The following CNOT10 variants were observed in gnomAD, a reference collection of about 807,000 sequenced individuals.
CNOT10 encodes the protein CCR4-NOT transcription complex subunit 10.
CNOT10 carries 30 observed loss-of-function variants against 94.6 expected under a neutral mutation model. That is an observed-to-expected ratio of 0.32 (90% CI 0.24 to 0.43). CNOT10 has a LOEUF of 0.43. Ranked by LOEUF, CNOT10 falls within the 20% of genes least tolerant of loss-of-function variation. The pLI is 1.00. For missense variants in CNOT10, 759 were observed against 877.2 expected (o/e 0.87, Z 1.70); for synonymous variants, 289 against 301.6 (o/e 0.96, Z 0.43).
At chr3:32,747,727 A>G (rs1293066977) in intron 13 of CNOT10, among the ~76,000 whole-genome samples, 1 of 152,108 alleles carries the variant, frequency 6.6e-6, no homozygotes, top group South Asian at 2.1e-4. Context: ...AGACGGGCAG[A>G]TCACGAGGTC....
intron 13 of CNOT10, among the ~76,000 whole-genome samples, chr3:32,744,561 T>C (rs367912752): frequency 6.6e-6 from 1 of 152,284 alleles, no homozygotes; most frequent in East Asian, 1.9e-4. Context: ...ATTAAAGAAG[T>C]TGTGAGATTG....
chr3:32,708,781 T>A lies in CNOT10; in HGVS notation c.391T>A (p.Ser131Thr), dbSNP rs759154289. The A allele has an allele frequency of 6.2e-6, 10 of 1,612,934 alleles. No individual in the cohort carries two copies. The Admixed American group carries it at 1.7e-4, about 27-fold the overall frequency. ...YHLRQYTEAI[S>T]VGEKLYQFIE... ...TCTGCGGCAGTATACAGAAGCCATATCAGTTGGTGAAAAACTTTATCAGTT... is the reference window on the plus strand; with the variant it reads ...TCTGCGGCAGTATACAGAAGCCATAACAGTTGGTGAAAAACTTTATCAGTT... The change falls in exon 4 of 19, where the codon TCA (serine) becomes ACA (threonine). Residue 131 changes from serine (S) to threonine (T), a missense_variant. Ser to Thr is a moderately conservative substitution (Grantham distance 58). Transcript: ENST00000328834.
intron 8 of CNOT10, among the ~76,000 whole-genome samples, chr3:32,720,460 G>A (rs1437701884): frequency 1.3e-5 from 2 of 151,398 alleles, no homozygotes; most frequent in Non-Finnish European, 2.9e-5. Flanking sequence ...TACTTTTCCA[G>A]GTTGGATCGC....
At chr3:32,735,844 T>C (rs1031904297) in intron 12 of CNOT10, among the ~76,000 whole-genome samples, 2 of 152,186 alleles carry the variant, frequency 1.3e-5, no homozygotes, top group Non-Finnish European at 2.9e-5. Flanking sequence ...GGTTTTCTAG[T>C]ATAAATTCAA....
chr3:32,692,392 A>G (rs181665563), intron 1 of CNOT10, among the ~76,000 whole-genome samples: 2 of 152,318 alleles, frequency 1.3e-5, no homozygotes, highest in African/African-American at 4.8e-5. Context: ...CACTGCACCC[A>G]GCTTTATCTC....
intron 10 of CNOT10, among the ~76,000 whole-genome samples, chr3:32,732,318 A>T (rs182103992): frequency 2.4e-4 from 37 of 152,138 alleles, no homozygotes; most frequent in African/African-American, 8.9e-4. Context: ...GGAACTCAGG[A>T]GGTGAAGGTT....
rs759441342 is a variant in CNOT10, at chr3:32,759,525, C to T, written c.1663C>T (p.His555Tyr). ...GGGTGATAACCTCATGGCTTTGAAT[C>T]ATGCAGATAAACTTCTTCAGCAGCC... is the stretch of plus-strand genomic sequence containing the variant. ...ALGDNLMALN[H>Y]ADKLLQQPKL... Residue 555 changes from histidine to tyrosine, a missense_variant, in exon 14 of 19, where the codon CAT (histidine) becomes TAT (tyrosine). Physicochemically the swap from His to Tyr is moderately conservative, Grantham distance 83. Transcript: ENST00000328834. 6.2e-7 allele frequency: 1 copy of T among 1,614,066 alleles called. No homozygotes were observed. The highest frequency in any genetic ancestry group is 1.1e-5 in the South Asian group (1 of 91,072).
At chr3:32,733,330 A>G (rs954946885) in intron 10 of CNOT10, 93 bp from the exon 11 acceptor site, 4 of 1,018,100 alleles carry the variant, frequency 3.9e-6, no homozygotes, top group Non-Finnish European at 5.6e-6. Context: ...GAACTTTCTT[A>G]AATTTAGAGT....
At chr3:32,717,310 A>T (rs984528168) in intron 7 of CNOT10, 73 bp downstream of exon 7, 1 of 904,452 alleles carries the variant, frequency 1.1e-6, no homozygotes, top group Non-Finnish European at 1.7e-6. Flanking sequence ...GTCAGGTTTA[A>T]ATAATTTATC....
intron 7 of CNOT10, 70 bp downstream of exon 7, chr3:32,717,307 T>A: frequency 2.2e-6 from 2 of 906,724 alleles, no homozygotes; most frequent in South Asian, 3.1e-5. Context: ...ATTGTCAGGT[T>A]TAAATAATTT....
chr3:32,705,485 G>C (rs111874666), intron 3 of CNOT10, among the ~76,000 whole-genome samples: 9 of 152,286 alleles, frequency 5.9e-5, no homozygotes, highest in African/African-American at 1.9e-4. Context: ...GTGCTGATAG[G>C]ATCAGCTAGC....
At position 32,717,170 on chromosome 3, in the gene CNOT10, A is replaced by G. The variant is rs760999678; in HGVS notation, c.677A>G (p.Tyr226Cys). ...CTTTGACAGTACAAAGTACGAGCTT[A>G]TATCCAAATGAAGTCTCTGAAAGCA... ...SKIHQYKVRAYIQMKSLKACK... is the reference protein window; with the variant it reads ...SKIHQYKVRACIQMKSLKACK... The change falls in exon 7 of 19, where the codon TAT becomes TGT. Residue 226 changes from tyrosine (Y) to cysteine (C), a missense_variant. Tyr to Cys is a radical substitution (Grantham distance 194). This residue lies in a region of CNOT10 where 682 missense variants were observed against 799.4 expected (regional missense o/e 0.85). Coordinates refer to ENST00000328834, the MANE Select transcript of CNOT10 (RefSeq NM_015442.3). 4 of 1,603,950 alleles carry G rather than the reference A, an allele frequency of 2.5e-6. No homozygotes were observed. Among genetic ancestry groups the G allele is most frequent in the Non-Finnish European group, 1.7e-6 (2 of 1,172,914 alleles).
At chr3:32,712,641 C>G (rs1275236480) in intron 4 of CNOT10, among the ~76,000 whole-genome samples, 2 of 152,024 alleles carry the variant, frequency 1.3e-5, no homozygotes, top group Non-Finnish European at 2.9e-5. Context: ...AGCTCAGGAG[C>G]TTGAGACCAG....
chr3:32,735,918 T>C (rs1699166859), intron 12 of CNOT10, among the ~76,000 whole-genome samples: 2 of 152,114 alleles, frequency 1.3e-5, no homozygotes, highest in African/African-American at 2.4e-5. Flanking sequence ...CTGGGCAGCA[T>C]AGCAAGACCC....
intron 13 of CNOT10, among the ~76,000 whole-genome samples, chr3:32,742,554 G>A (rs931891284): frequency 6.6e-6 from 1 of 152,056 alleles, no homozygotes; most frequent in African/African-American, 2.4e-5. Context: ...GCTAATTTTT[G>A]TATTTTTGGT....
chr3:32,697,922 G>A (rs1462587749), intron 1 of CNOT10, among the ~76,000 whole-genome samples: 1 of 152,184 alleles, frequency 6.6e-6, no homozygotes, highest in African/African-American at 2.4e-5. Flanking sequence ...AAAGAAACAT[G>A]AAAGATATTT....
chr3:32,720,190 A>G lies in CNOT10; in HGVS notation c.821A>G (p.Asn274Ser). 6.5e-7 allele frequency: 1 copy of G among 1,546,114 alleles called. No homozygotes were observed. Among genetic ancestry groups the G allele is most frequent in the Admixed American group, 1.7e-5 (1 of 59,522 alleles). Reference sequence around the variant, plus strand: ...TATCGAAAAGCCGTGAAGCTATTAAATAGTTCAAACATTGCTGAGCATCCA... The same window carrying G: ...TATCGAAAAGCCGTGAAGCTATTAAGTAGTTCAAACATTGCTGAGCATCCA... ...GNYRKAVKLLNSSNIAEHPGF... is the reference protein window; with the variant it reads ...GNYRKAVKLLSSSNIAEHPGF... The change falls in exon 8 of 19, where the codon AAT (asparagine) becomes AGT (serine). Residue 274 changes from asparagine to serine, a missense_variant. Transcript: ENST00000328834.
Position 32,719,239 on chromosome 3 carries a change from A to G in CNOT10, c.745-875A>G, listed in dbSNP as rs1364046367. On this transcript the variant is annotated intron_variant, in intron 7 of 18. Coordinates refer to ENST00000328834, the MANE Select transcript of CNOT10 (RefSeq NM_015442.3). ...ACTCTAGCCTGGGCAACGGAGCGAG[A>G]CTCCGTCTAAAAACAAAAACAAAAA... 3.3e-5 allele frequency among the ~76,000 whole-genome samples: 5 copies of G among 151,504 alleles called. No homozygotes were observed. The East Asian group carries it at 7.8e-4, about 24-fold the overall frequency.
intron 13 of CNOT10, among the ~76,000 whole-genome samples, chr3:32,755,782 T>A (rs1253343210): frequency 1.3e-5 from 2 of 151,552 alleles, no homozygotes; most frequent in South Asian, 2.1e-4. Flanking sequence ...CTTCTTTTTT[T>A]ATCTTCTTTT....
Sources: gnomAD v4.1 joint callset for allele counts (sites outside exome capture counted in the v4.1 genomes callset) on GRCh38, gnomAD v4.1.1 for gene constraint, gnomAD v4.1.1 regional missense constraint, MANE v1.5 for transcripts, NCBI Gene and HGNC (gene_info 2026-07-23, HGNC 2026-07-21) for gene names.